TASOR2: variants seen among roughly 807,000 people sequenced by gnomAD.
The protein encoded by TASOR2 is transcription activation suppressor family member 2.
In TASOR2, 84 loss-of-function variants were observed where a neutral mutation model predicts 199.5. The observed-to-expected ratio is 0.42, with a 90% confidence interval of 0.35 to 0.50. The LOEUF (loss-of-function observed/expected upper bound fraction) is 0.50. Ranked by LOEUF, TASOR2 falls within the 20% of genes least tolerant of loss-of-function variation. The pLI is 0.02. For missense variants in TASOR2, 2,796 were observed against 2,835.9 expected, an observed-to-expected ratio of 0.99 and a Z score of 0.32; for synonymous variants, 1,103 against 1,046.6, an observed-to-expected ratio of 1.05 and a Z score of -1.04.
At chr10:5,715,721 C>T (rs1325839781) in intron 2 of TASOR2, among the ~76,000 whole-genome samples, 1 of 152,042 alleles carries the variant, frequency 6.6e-6, no homozygotes, top group Non-Finnish European at 1.5e-5. Flanking sequence ...CAGCTCTCTG[C>T]AACCTTCGAC....
chr10:5,736,878 G>T (rs2131606043), intron 12 of TASOR2, among the ~76,000 whole-genome samples: 1 of 152,194 alleles, frequency 6.6e-6, no homozygotes, highest in East Asian at 1.9e-4. Flanking sequence ...TGGTTTTCCT[G>T]ATTCTACTTT....
Position 5,720,659 on chromosome 10 carries a change from A to G in TASOR2, c.17A>G (p.His6Arg), listed in dbSNP as rs1488029690. Residue 6 changes from histidine to arginine, a missense_variant, in exon 4 of 21, where the codon CAT becomes CGT. Physicochemically the swap from His to Arg is conservative, Grantham distance 29 (BLOSUM62 0). This residue lies in a region of TASOR2 where 847 missense variants were observed against 887.4 expected (regional missense o/e 0.95). Transcript: ENST00000328090. This position sits in a 1 kb window ranked among gnomAD's most constrained non-coding sequence, Gnocchi z 5.3. ...TCTAAAACTATGGCACCACCAGCTC[A>G]TAAAAGCATGTAAGTAATTATGTGC... is the stretch of plus-strand genomic sequence containing the variant. 6.2e-7 allele frequency: 1 copy of G among 1,614,002 alleles called. No homozygotes were observed. The highest frequency in any genetic ancestry group is 8.5e-7 in the Non-Finnish European group (1 of 1,179,898).
At chr10:5,728,165 G>A (rs959787788) in intron 10 of TASOR2, among the ~76,000 whole-genome samples, 18 of 150,374 alleles carry the variant, frequency 1.2e-4, no homozygotes, top group African/African-American at 2.9e-4. Context: ...AGGTTGCAGC[G>A]AGCCAAGACT....
exon 15 of TASOR2, chr10:5,746,673 G>T (rs374548773): frequency 1.3e-5 from 21 of 1,613,996 alleles, no homozygotes; most frequent in Non-Finnish European, 1.4e-5. Context: ...AGTTGATTAA[G>T]CAAGTATCAC....
At position 5,750,063 on chromosome 10, in the gene TASOR2, T is replaced by C. The variant is rs1306726925; in HGVS notation, c.6606+36T>C. On this transcript the variant is annotated intron_variant, in intron 15 of 20. Transcript: ENST00000328090. The surrounding 1 kb of genome is among the most constrained non-coding windows in gnomAD (Gnocchi z 5.4). ...AGCCACGTCTTACGTATTATTTTAA[T>C]TGCTGATTTTAGTTTTAGAAATAAT... is the stretch of plus-strand genomic sequence containing the variant. 6.5e-7 allele frequency: 1 copy of C among 1,529,436 alleles called. No individual in the cohort carries two copies. Among genetic ancestry groups the C allele is most frequent in the South Asian group, 1.3e-5 (1 of 75,932 alleles). The allele number at this position is 1,529,436 out of a possible 1,614,324, so 94.7% of individuals were successfully genotyped here.
At chr10:5,758,813 T>C in intron 17 of TASOR2, 74 bp from the exon 19 acceptor site, 3 of 1,054,466 alleles carry the variant, frequency 2.8e-6, no homozygotes, top group South Asian at 1.4e-5. Context: ...TACAAATAAT[T>C]ATCACTGGGC....
In TASOR2 at chr10:5,752,471, G is replaced by A. The variant is rs892052368; in HGVS notation, c.6606+2444G>A. On this transcript the variant is annotated intron_variant, in intron 15 of 20. Coordinates refer to ENST00000328090, the Ensembl canonical transcript of TASOR2. The surrounding 1 kb of genome is among the most constrained non-coding windows in gnomAD (Gnocchi z 4.4). The stretch of plus-strand genomic sequence containing the variant: ...GCAGGCCACGTGCAGGCCGTGTGTC[G>A]GCTCCACATGCCCACTGGGTCTGTC... 2.0e-5 allele frequency among the ~76,000 whole-genome samples: 3 copies of A among 152,240 alleles called. No individual in the cohort carries two copies. Among genetic ancestry groups the A allele is most frequent in the Middle Eastern group, 3.4e-3 (1 of 294 alleles).
chr10:5,740,225 C>T lies in TASOR2; in HGVS notation c.2055C>T (p.Ser685=), dbSNP rs201306765. The T allele has an allele frequency of 6.2e-7, 1 of 1,614,222 alleles. No homozygotes were observed. Among genetic ancestry groups the T allele is most frequent in the African/African-American group, 1.3e-5 (1 of 75,056 alleles). ...TGTTTCCCAGGAATGGGACAAAAAG[C>T]CCTGAAGCAGCAACCCCAGTGGGGA... The change falls in exon 13 of 21, where the codon AGC becomes AGT. Residue 685 remains serine (S), a synonymous_variant. Transcript: ENST00000328090. This position sits in a 1 kb window ranked among gnomAD's most constrained non-coding sequence, Gnocchi z 5.3.
At chr10:5,763,337 AAAAAT>A (rs1195434192) in exon 21 of TASOR2, 1 of 290,276 alleles carries the variant, frequency 3.4e-6, no homozygotes, top group African/African-American at 2.2e-5. Context: ...TAGTTGGAGC[AAAAAT>A]AAGTCTATTT....
chr10:5,692,271 C>A (rs992301060), intron 1 of TASOR2, among the ~76,000 whole-genome samples: 20 of 152,018 alleles, frequency 1.3e-4, no homozygotes, highest in African/African-American at 4.8e-4. Flanking sequence ...GGTGAGGCTG[C>A]ATAAATGATG....
At position 5,760,993 on chromosome 10, in the gene TASOR2, T is replaced by C. The variant is rs111437537; in HGVS notation, c.6993-297T>C. ...ATAGATGTGCATTGCTCTACAAATA[T>C]ACAACGCAATAAGGCCCACTCGAAA... On this transcript the variant is annotated intron_variant, in intron 18 of 20. Coordinates refer to ENST00000328090, the Ensembl canonical transcript of TASOR2. The C allele has an allele frequency of 1.6e-3, 401 of 250,376 alleles. 2 individuals are homozygous for C. Among genetic ancestry groups the C allele is most frequent in the African/African-American group, 8.6e-3 (382 of 44,652 alleles). The allele number at this position is 250,376 out of a possible 1,614,324, so 15.5% of individuals were successfully genotyped here.
intron 17 of TASOR2, among the ~76,000 whole-genome samples, chr10:5,757,987 A>G (rs1201879627): frequency 1.3e-5 from 2 of 152,206 alleles, no homozygotes; most frequent in Non-Finnish European, 2.9e-5. Context: ...TTGCCAAGTC[A>G]GAGCAGCTCC....
In TASOR2 at chr10:5,749,554, GAGTCAGATCCCAGACCACAGGGGC is replaced by G. The variant is rs747849703; in HGVS notation, c.6136_6159del (p.Ser2046_Gln2053del). Reference sequence around the variant, plus strand: ...AAGCCCCCTTCTGGTAACAGTTGTGGAGTCAGATCCCAGACCACAGGGGCAGCCCAGGAGAGGCTACACAGCCAG... The same window carrying G: ...AAGCCCCCTTCTGGTAACAGTTGTGGAGCCCAGGAGAGGCTACACAGCCAG... On this transcript the variant is annotated inframe_deletion, in exon 15 of 21. Transcript: ENST00000328090. 5.0e-6 allele frequency: 8 copies of G among 1,613,972 alleles called. No homozygotes were observed. The African/African-American group carries it at 1.1e-4, about 22-fold the overall frequency.
chr10:5,749,802 A>G lies in TASOR2; in HGVS notation c.6381A>G (p.Gln2127=), dbSNP rs1837768373. The G allele has an allele frequency of 3.1e-6, 5 of 1,614,090 alleles. No individual in the cohort carries two copies. In the East Asian group the frequency reaches 8.9e-5, roughly 29 times the overall value. Residue 2127 remains glutamine (Q), a synonymous_variant, in exon 15 of 21, where the codon CAA becomes CAG. Transcript: ENST00000328090. ...ACAAGGTGATGAAGAATAGCAACCA[A>G]TTCATTTTCCAAGACAAAGAGCTAA...
At chr10:5,704,750 T>G (rs2131529623) in intron 1 of TASOR2, among the ~76,000 whole-genome samples, 1 of 152,350 alleles carries the variant, frequency 6.6e-6, no homozygotes, top group African/African-American at 2.4e-5. Context: ...GAACAGTTTC[T>G]TATAGCTATT....
rs760238763 is a variant in TASOR2 at position 5,748,434 on chromosome 10, A to G, written c.5013A>G (p.Val1671=). 5 of 1,614,224 alleles carry G rather than the reference A, an allele frequency of 3.1e-6. No homozygotes were observed. Among genetic ancestry groups the G allele is most frequent in the Non-Finnish European group, 4.2e-6 (5 of 1,180,036 alleles). Residue 1671 remains valine, a synonymous_variant, in exon 15 of 21, where the codon GTA becomes GTG. Transcript: ENST00000328090. This position sits in a 1 kb window ranked among gnomAD's most constrained non-coding sequence, Gnocchi z 5.1. ...ACAATGCTACATTAACCCATTATGT[A>G]AGACCAATAAATGCAGAGCCAGTGT...
chr10:5,738,698 A>T lies in TASOR2; in HGVS notation c.1448-920A>T, dbSNP rs900430386. On this transcript the variant is annotated intron_variant, in intron 12 of 20. Coordinates refer to ENST00000328090, the Ensembl canonical transcript of TASOR2. The surrounding 1 kb of genome is among the most constrained non-coding windows in gnomAD (Gnocchi z 4.7). ...CTGGCAGGTTGTTAATTCATTTTGG[A>T]CCTGCTACTATGATAAAGAGGAACA... Among the ~76,000 whole-genome samples, 9 of 152,302 alleles carry T rather than the reference A, an allele frequency of 5.9e-5. No individual in the cohort carries two copies. The highest frequency in any genetic ancestry group is 3.3e-4 in the Admixed American group (5 of 15,302).
intron 10 of TASOR2, among the ~76,000 whole-genome samples, chr10:5,729,715 C>T (rs565331268): frequency 2.0e-5 from 3 of 152,110 alleles, no homozygotes; most frequent in Non-Finnish European, 2.9e-5. Flanking sequence ...TTTATTTTCA[C>T]TTACTAGGCC....
intron 10 of TASOR2, 145 bp downstream of exon 11, chr10:5,727,268 T>C (rs756077927): frequency 2.2e-5 from 17 of 770,330 alleles, no homozygotes; most frequent in Non-Finnish European, 3.2e-5. Flanking sequence ...TTCACCCTTC[T>C]TGACCTCCCT....
Sources: gnomAD v4.1 joint callset for allele counts (sites outside exome capture counted in the v4.1 genomes callset) on GRCh38, gnomAD v4.1.1 for gene constraint, gnomAD v4.1.1 regional missense constraint, Gnocchi (gnomAD v3.1) non-coding constraint, MANE v1.5 for transcripts, NCBI Gene and HGNC (gene_info 2026-07-23, HGNC 2026-07-21) for gene names.